The following CHST9 variants were observed in gnomAD, a reference collection of about 807,000 sequenced individuals.
CHST9 encodes the protein GalNAc-4-sulfotransferase 2.
In CHST9, 41 loss-of-function variants were observed where a neutral mutation model predicts 44.4. The observed-to-expected ratio is 0.92, with a 90% CI of 0.72 to 1.20. CHST9 has a LOEUF of 1.20. Ranked by LOEUF, CHST9 falls within the 50% of genes most tolerant of loss-of-function variation. CHST9 has a pLI of 0.00. For missense variants in CHST9, 504 were observed against 516.5 expected, an observed-to-expected ratio of 0.98 and a Z score of 0.23; for synonymous variants, 171 against 178.4, an observed-to-expected ratio of 0.96 and a Z score of 0.33.
rs1470454735 is a variant in CHST9, at chr18:27,135,580, AC to A, written c.121+7108del. ...TGCCAATAAATCAGCCAAAGTCAGTACCTCTGGGTCAGTGGTTCATAACCTT... is the reference window on the plus strand; with the variant it reads ...TGCCAATAAATCAGCCAAAGTCAGTACTCTGGGTCAGTGGTTCATAACCTT... On this transcript the variant is annotated intron_variant, in intron 2 of 5. Coordinates refer to ENST00000618847, the MANE Select transcript of CHST9 (RefSeq NM_031422.6). Among the ~76,000 whole-genome samples the A allele has an allele frequency of 2.0e-5, 3 of 152,260 alleles. No individual in the cohort carries two copies. In the East Asian group the frequency reaches 5.8e-4, roughly 30 times the overall value.
intron 3 of CHST9, among the ~76,000 whole-genome samples, chr18:27,046,882 T>A (rs1304108956): frequency 6.6e-6 from 1 of 152,040 alleles, no homozygotes; most frequent in Non-Finnish European, 1.5e-5. Context: ...ATAGGGCAAA[T>A]TAGTAAAAAT....
At chr18:27,058,638 A>G (rs1167206162) in intron 2 of CHST9, among the ~76,000 whole-genome samples, 1 of 152,202 alleles carries the variant, frequency 6.6e-6, no homozygotes, top group South Asian at 2.1e-4. Flanking sequence ...GGCCACATGG[A>G]AAGAGAGCTG....
rs185339813 is a variant in CHST9 at position 27,178,899 on chromosome 18, T to G, written c.-97+6237A>C. On this transcript the variant is annotated intron_variant, in intron 1 of 5. Coordinates refer to ENST00000618847, the MANE Select transcript of CHST9 (RefSeq NM_031422.6). ...CGTAGTTTTGTGGTATAAATTCCAG[T>G]ATTGGACTAGTGCAGTTCTTTTTTG... is the stretch of plus-strand genomic sequence containing the variant. 1.5e-3 allele frequency among the ~76,000 whole-genome samples: 227 copies of G among 152,122 alleles called. 1 individual carries two copies. The highest frequency in any genetic ancestry group is 1.9e-3 in the Non-Finnish European group (131 of 67,896).
chr18:27,174,168 T>G (rs890136617), intron 1 of CHST9, among the ~76,000 whole-genome samples: 3 of 151,976 alleles, frequency 2.0e-5, no homozygotes, highest in African/African-American at 7.2e-5. Flanking sequence ...TATAGATTTT[T>G]TTTCATCCAG....
At chr18:27,092,496 T>A (rs2143721234) in intron 2 of CHST9, among the ~76,000 whole-genome samples, 1 of 152,334 alleles carries the variant, frequency 6.6e-6, no homozygotes, top group East Asian at 1.9e-4. Flanking sequence ...AGCTTTTGAA[T>A]GTGTTTGCGC....
chr18:27,057,149 T>G (rs116052028), intron 2 of CHST9, among the ~76,000 whole-genome samples: 4,743 of 152,314 alleles, frequency 0.031, 204 homozygotes, highest in African/African-American at 0.093. Flanking sequence ...CAATTGGTAG[T>G]AGAATCTTGA....
intron 4 of CHST9, among the ~76,000 whole-genome samples, chr18:26,981,552 G>A (rs755170678): frequency 6.6e-6 from 1 of 152,178 alleles, no homozygotes; most frequent in Non-Finnish European, 1.5e-5. Context: ...AGGAATACAT[G>A]TGCAATCCTG....
At chr18:27,084,555 C>T (rs188171288) in intron 2 of CHST9, among the ~76,000 whole-genome samples, 215 of 150,270 alleles carry the variant, frequency 1.4e-3, no homozygotes, top group Non-Finnish European at 2.4e-3. Flanking sequence ...CTTTATCAGT[C>T]TAGTTAGTGA....
At chr18:26,935,755 CT>C (rs2055977569) in intron 5 of CHST9, 1 of 152,104 alleles carries the variant, frequency 6.6e-6, no homozygotes, top group Non-Finnish European at 1.5e-5. Flanking sequence ...CATAACACTT[CT>C]GTGTATAAGA....
chr18:27,063,756 T>C (rs983919727), intron 2 of CHST9, among the ~76,000 whole-genome samples: 2 of 152,200 alleles, frequency 1.3e-5, no homozygotes, highest in African/African-American at 4.8e-5. Context: ...CACTATTTGC[T>C]ATAGATTTTT....
At chr18:27,099,489 A>G (rs1418288297) in intron 2 of CHST9, among the ~76,000 whole-genome samples, 1 of 152,054 alleles carries the variant, frequency 6.6e-6, no homozygotes, top group Non-Finnish European at 1.5e-5. Flanking sequence ...AAACACTTGA[A>G]CAAGCAAAAA....
Position 27,118,940 on chromosome 18 carries a change from T to C in CHST9, c.121+23749A>G, listed in dbSNP as rs1426985644. On this transcript the variant is annotated intron_variant, in intron 2 of 5. Transcript: ENST00000618847. ...TTAATTATTTCTATTTAACCATTAA[T>C]AAAATTGATTAACAGTTACATTTTG... is the stretch of plus-strand genomic sequence containing the variant. Among the ~76,000 whole-genome samples, 10 of 152,260 alleles carry C rather than the reference T, an allele frequency of 6.6e-5. No homozygotes were observed. The South Asian group carries it at 2.1e-3, about 31-fold the overall frequency.
At chr18:27,051,610 T>C (rs1263260574) in intron 2 of CHST9, among the ~76,000 whole-genome samples, 1 of 152,124 alleles carries the variant, frequency 6.6e-6, no homozygotes, top group Non-Finnish European at 1.5e-5. Context: ...ACCAACTTGC[T>C]AGGCACATGA....
At chr18:27,123,861 A>G (rs2058396649) in intron 2 of CHST9, among the ~76,000 whole-genome samples, 1 of 152,210 alleles carries the variant, frequency 6.6e-6, no homozygotes, top group Non-Finnish European at 1.5e-5. Context: ...AGAAAATACT[A>G]TCCTGTCACA....
chr18:27,179,381 A>T (rs2058893989), intron 1 of CHST9, among the ~76,000 whole-genome samples: 1 of 145,096 alleles, frequency 6.9e-6, no homozygotes, highest in Admixed American at 7.0e-5. Context: ...AACAAATGGG[A>T]TGGTCCTACT....
chr18:27,133,812 A>G (rs1384083642), intron 2 of CHST9, among the ~76,000 whole-genome samples: 3 of 152,210 alleles, frequency 2.0e-5, no homozygotes, highest in Admixed American at 1.3e-4. Flanking sequence ...GGAAATGGCC[A>G]AGGAAACGTG....
In CHST9 at chr18:26,913,867, G is replaced by A. The variant is rs1253329204; in HGVS notation, c.*2392C>T. 2 of 152,220 alleles carry A rather than the reference G, an allele frequency of 1.3e-5. No individual in the cohort carries two copies. Among genetic ancestry groups the A allele is most frequent in the Non-Finnish European group, 2.9e-5 (2 of 68,046 alleles). The allele number at this position is 152,220 out of a possible 1,614,324, so 9.4% of individuals were successfully genotyped here. A position where few individuals can be genotyped will look rare whatever the true frequency, so the allele number is the denominator to read the frequency against. ...TTTAAACTCACAAGTAATCCAGGAT[G>A]ATGACTGGCTTCTTTGGTCCTAACA... is the stretch of plus-strand genomic sequence containing the variant. On this transcript the variant is annotated 3_prime_UTR_variant, in exon 6 of 6. Coordinates refer to ENST00000618847, the MANE Select transcript of CHST9 (RefSeq NM_031422.6).
At chr18:27,110,006 T>G (rs2058256551) in intron 2 of CHST9, among the ~76,000 whole-genome samples, 1 of 152,192 alleles carries the variant, frequency 6.6e-6, no homozygotes. Flanking sequence ...AGTCATTTAT[T>G]ACCAGGGTGG....
At chr18:27,042,053 G>A (rs1049024763) in intron 3 of CHST9, among the ~76,000 whole-genome samples, 2 of 152,260 alleles carry the variant, frequency 1.3e-5, no homozygotes, top group Admixed American at 6.5e-5. Context: ...TGCTGGAGAT[G>A]GATTGCCTGG....
Sources: allele counts gnomAD v4.1 joint callset (sites outside exome capture counted in the v4.1 genomes callset), GRCh38; gene constraint gnomAD v4.1.1; transcripts MANE v1.5; gene names NCBI Gene and HGNC (gene_info 2026-07-23, HGNC 2026-07-21).